C10orf143: variants seen among roughly 807,000 people sequenced by gnomAD.
The protein encoded by C10orf143 is chromosome 10 open reading frame 143.
chr10:130,045,217 T>G (rs1429491297), intron 3 of C10orf143, among the ~76,000 whole-genome samples: 1 of 152,246 alleles, frequency 6.6e-6, no homozygotes, highest in Non-Finnish European at 1.5e-5. Context: ...CAAATGGCTT[T>G]TTCTTGCAGG....
chr10:130,081,846 G>A (rs1284110282), intron 1 of C10orf143, among the ~76,000 whole-genome samples: 1 of 3,208 alleles, frequency 3.1e-4, no homozygotes, highest in African/African-American at 3.4e-3. Flanking sequence ...TTATAAAGAT[G>A]ACAGTTCTCC....
chr10:130,040,888 G>GA (rs55873890), intron 3 of C10orf143, among the ~76,000 whole-genome samples: 20,580 of 152,050 alleles, frequency 0.14, 1,820 homozygotes, highest in Admixed American at 0.2. Flanking sequence ...GCTCAGTGAG[G>GA]GGCACCAAGG....
downstream of C10orf143, among the ~76,000 whole-genome samples, chr10:130,060,054 G>A (rs1319440713): frequency 9.2e-6 from 1 of 109,084 alleles, no homozygotes; most frequent in Non-Finnish European, 2.2e-5. Flanking sequence ...AGTGGGACCA[G>A]GTGGGAACAG....
intron 3 of C10orf143, among the ~76,000 whole-genome samples, chr10:130,078,531 A>G (rs1256574623): frequency 6.6e-6 from 1 of 152,238 alleles, no homozygotes; most frequent in East Asian, 1.9e-4. Flanking sequence ...AGAATGCAAC[A>G]TAACCTATGA....
chr10:130,069,017 G>T (rs1318222043), intron 3 of C10orf143, among the ~76,000 whole-genome samples: 1 of 152,130 alleles, frequency 6.6e-6, no homozygotes, highest in Non-Finnish European at 1.5e-5. Context: ...TCGCAGATTT[G>T]ATTTGAAAAC....
intron 3 of C10orf143, among the ~76,000 whole-genome samples, chr10:130,057,677 G>A (rs987137246): frequency 2.0e-5 from 3 of 152,338 alleles, no homozygotes; most frequent in African/African-American, 7.2e-5. Context: ...GTGGATGGCA[G>A]AGGGCTGGCT....
At chr10:130,043,056 C>T (rs879829212) in intron 3 of C10orf143, among the ~76,000 whole-genome samples, 12 of 152,094 alleles carry the variant, frequency 7.9e-5, no homozygotes, top group African/African-American at 2.7e-4. Context: ...GGGTGAGGGG[C>T]GTGGAGGCTC....
intron 1 of C10orf143, among the ~76,000 whole-genome samples, chr10:130,082,121 GA>G (rs1376015605): frequency 2.6e-5 from 4 of 151,888 alleles, no homozygotes; most frequent in African/African-American, 9.7e-5. Flanking sequence ...AAATATATAT[GA>G]AAGTTTGGCT....
intron 1 of C10orf143, among the ~76,000 whole-genome samples, chr10:130,082,285 T>C (rs1264134829): frequency 3.9e-5 from 6 of 152,030 alleles, no homozygotes; most frequent in Non-Finnish European, 7.4e-5. Flanking sequence ...GTGCTGGGAT[T>C]ATAGGTATGA....
intron 3 of C10orf143, chr10:130,066,913 C>CT (rs1241145067): frequency 6.6e-6 from 1 of 152,212 alleles, no homozygotes; most frequent in Non-Finnish European, 1.5e-5. Context: ...ATTAAAATGC[C>CT]TTGCCTCCTG....
intron 1 of C10orf143, among the ~76,000 whole-genome samples, chr10:130,096,296 T>C (rs1272098626): frequency 6.6e-6 from 1 of 151,918 alleles, no homozygotes; most frequent in Non-Finnish European, 1.5e-5. Flanking sequence ...AAACAACAGA[T>C]GCTGGAGAGG....
chr10:130,085,170 A>C (rs1450262725), intron 1 of C10orf143, among the ~76,000 whole-genome samples: 2 of 152,242 alleles, frequency 1.3e-5, no homozygotes, highest in African/African-American at 4.8e-5. Context: ...AAGATCTAAT[A>C]ATAGATGCTA....
chr10:130,074,057 C>T (rs778524988), intron 3 of C10orf143, among the ~76,000 whole-genome samples: 1 of 152,338 alleles, frequency 6.6e-6, no homozygotes, highest in Middle Eastern at 3.4e-3. Context: ...CCCGCACTGT[C>T]ACTGCCACAG....
At chr10:130,047,534 A>T (rs1354314165) in intron 3 of C10orf143, among the ~76,000 whole-genome samples, 1 of 152,106 alleles carries the variant, frequency 6.6e-6, no homozygotes, top group Admixed American at 6.5e-5. Flanking sequence ...CGCTTTCTCA[A>T]ATTCCTGGAT....
intron 1 of C10orf143, among the ~76,000 whole-genome samples, chr10:130,094,988 G>GA (rs1222019605): frequency 2.8e-4 from 27 of 96,360 alleles, no homozygotes; most frequent in African/African-American, 7.5e-4. Flanking sequence ...CATTGTCTCA[G>GA]CAAAAAATCT....
At chr10:130,090,141 C>T (rs1191272121) in intron 1 of C10orf143, among the ~76,000 whole-genome samples, 1 of 152,188 alleles carries the variant, frequency 6.6e-6, no homozygotes, top group African/African-American at 2.4e-5. Flanking sequence ...CAAATAGGAA[C>T]AGCTCCAGTC....
At position 130,107,566 on chromosome 10, in the gene C10orf143, T is replaced by C. The variant is rs776896692; in HGVS notation, c.69+3138A>G. On this transcript the variant is annotated intron_variant, in intron 1 of 3. Transcript: ENST00000637128. Reference sequence around the variant, plus strand: ...ATCCTTATGTACTTGATGTTCCAAATACAGCATTTGGCAGAGAGCATTCCC... The same window carrying C: ...ATCCTTATGTACTTGATGTTCCAAACACAGCATTTGGCAGAGAGCATTCCC... 3.0e-6 allele frequency: 4 copies of C among 1,347,608 alleles called. No homozygotes were observed. In the South Asian group the frequency reaches 3.5e-5, roughly 12 times the overall value. 83.5% of individuals were successfully genotyped at this position (1,347,608 alleles called of 1,614,324 possible).
intron 1 of C10orf143, 106 bp downstream of exon 1, chr10:130,110,598 G>A (rs1289315685): frequency 2.5e-6 from 1 of 397,876 alleles, no homozygotes; most frequent in Non-Finnish European, 4.4e-6. Context: ...TCTTGGGCCA[G>A]GCCTCCTCAC....
rs561271877 is a variant in C10orf143 at position 130,108,107 on chromosome 10, C to G, written c.69+2597G>C. 3.2e-4 allele frequency: 489 copies of G among 1,525,184 alleles called. 2 individuals carry two copies. In the East Asian group the frequency reaches 5.1e-3, roughly 16 times the overall value. The allele number at this position is 1,525,184 out of a possible 1,614,324, so 94.5% of individuals were successfully genotyped here. A position where few individuals can be genotyped will look rare whatever the true frequency, so the allele number is the denominator to read the frequency against. Reference sequence around the variant, plus strand: ...TGCTGAAAATGCAGCAACTGGCCCTCGCTTTGTTCCTCCACCTCTTGCCCT... The same window carrying G: ...TGCTGAAAATGCAGCAACTGGCCCTGGCTTTGTTCCTCCACCTCTTGCCCT... On this transcript the variant is annotated intron_variant, in intron 1 of 3. Coordinates refer to ENST00000637128, the MANE Select transcript of C10orf143 (RefSeq NM_001355042.2).
Sources: allele counts gnomAD v4.1 joint callset (sites outside exome capture counted in the v4.1 genomes callset), GRCh38; gene constraint gnomAD v4.1.1; transcripts MANE v1.5; gene names NCBI Gene and HGNC (gene_info 2026-07-23, HGNC 2026-07-21).